Variants in ELAVL4 observed in about 807,000 individuals in gnomAD.
ELAVL4 encodes the protein ELAV-like protein 4.
ELAVL4 carries 1 observed loss-of-function variant against 35.6 expected under a neutral mutation model. The ratio of observed to expected loss-of-function variants is 0.03; its 90% confidence interval spans 0.01 to 0.13. The LOEUF (loss-of-function observed/expected upper bound fraction) is 0.13. Among genes scored for constraint, ELAVL4 ranks in the 10% least tolerant of loss-of-function variants. The probability of loss-of-function intolerance (pLI) is 1.00; values close to 1 mark genes in which losing one functional copy is unlikely to be tolerated. For synonymous variants in ELAVL4, 156 were observed against 171.0 expected, an observed-to-expected ratio of 0.91 and a Z score of 0.69; for missense variants, 267 against 464.9, an observed-to-expected ratio of 0.57 and a Z score of 3.91.
chr1:50,102,431 TC>T (rs1382090937), upstream of ELAVL4, among the ~76,000 whole-genome samples: 2 of 151,702 alleles, frequency 1.3e-5, no homozygotes, highest in African/African-American at 4.8e-5. Flanking sequence ...TCCCCTCCCC[TC>T]CTCTCCCTTT....
upstream of ELAVL4, among the ~76,000 whole-genome samples, chr1:50,107,403 T>C (rs1045041367): frequency 1.3e-5 from 2 of 152,354 alleles, no homozygotes; most frequent in East Asian, 1.9e-4. Flanking sequence ...ACCCAACACA[T>C]ATTGTTTTAT....
intron 2 of ELAVL4, among the ~76,000 whole-genome samples, chr1:50,157,284 TACTGACTTTTCGC>T (rs1206818121): frequency 6.6e-6 from 1 of 152,184 alleles, no homozygotes; most frequent in African/African-American, 2.4e-5. Flanking sequence ...ATGGAGATAA[TACTGACTTTTCGC>T]ACCTTTCTGT....
intron 2 of ELAVL4, among the ~76,000 whole-genome samples, chr1:50,153,334 A>T (rs1675130950): frequency 6.6e-6 from 1 of 152,240 alleles, no homozygotes; most frequent in Non-Finnish European, 1.5e-5. Context: ...TGCTAGGCAT[A>T]TTATAGATGT....
chr1:50,190,555 TG>T (rs1487066448), intron 3 of ELAVL4, among the ~76,000 whole-genome samples: 7 of 152,198 alleles, frequency 4.6e-5, no homozygotes, highest in African/African-American at 1.7e-4. Flanking sequence ...GAATTAGACT[TG>T]GTAGAGAATG....
chr1:50,067,984 C>T lies in ELAVL4; in HGVS notation c.18+19802C>T, dbSNP rs183128622. ...GCCGCCATGATTCAGTTACCTCCCA[C>T]CGGGTCTCTCCCACAACACGTGGGG... On this transcript the variant is annotated intron_variant, in intron 1 of 6. Coordinates refer to the ELAVL4 transcript ENST00000448907. Among the ~76,000 whole-genome samples, 37 of 152,252 alleles carry T rather than the reference C, an allele frequency of 2.4e-4. 1 individual carries two copies. Among genetic ancestry groups the T allele is most frequent in the African/African-American group, 7.7e-4 (32 of 41,560 alleles).
intron 1 of ELAVL4, among the ~76,000 whole-genome samples, chr1:50,112,838 A>C (rs1410222701): frequency 1.3e-5 from 2 of 152,078 alleles, no homozygotes; most frequent in Non-Finnish European, 2.9e-5. Flanking sequence ...ACAAAACCTT[A>C]AAACTTTTTC....
At chr1:50,175,805 C>G (rs1679929024) in intron 2 of ELAVL4, 1 of 152,164 alleles carries the variant, frequency 6.6e-6, no homozygotes, top group African/African-American at 2.4e-5. Flanking sequence ...GATTTTTTGG[C>G]CGCTGAAATG....
intron 5 of ELAVL4, among the ~76,000 whole-genome samples, chr1:50,196,793 C>T (rs1370305993): frequency 1.3e-5 from 2 of 152,170 alleles, no homozygotes; most frequent in South Asian, 2.1e-4. Context: ...TGGAAACTAT[C>T]GTTACTACTG....
chr1:50,192,903 G>A (rs2148877709), intron 3 of ELAVL4, among the ~76,000 whole-genome samples: 1 of 152,266 alleles, frequency 6.6e-6, no homozygotes, highest in South Asian at 2.1e-4. Context: ...CTTGCAGATG[G>A]AATTTCAGAT....
chr1:50,061,630 T>C (rs977449708), intron 1 of ELAVL4, among the ~76,000 whole-genome samples: 1 of 152,178 alleles, frequency 6.6e-6, no homozygotes, highest in African/African-American at 2.4e-5. Flanking sequence ...CTTATGTTTG[T>C]TTGCAAGGAG....
In ELAVL4 at chr1:50,161,868, A is replaced by G. The variant is rs577223655; in HGVS notation, c.251-15221A>G. On this transcript the variant is annotated intron_variant, in intron 2 of 6. Transcript: ENST00000371824. ...GCCTCCCAAAGTGCTGGGATTATAC[A>G]TGTGAGCCACTGCACGCAGCAGTTG... is the stretch of plus-strand genomic sequence containing the variant. Among the ~76,000 whole-genome samples, 86 of 152,230 alleles carry G rather than the reference A, an allele frequency of 5.6e-4. 1 individual carries two copies. The highest frequency in any genetic ancestry group is 1.9e-3 in the African/African-American group (79 of 41,530).
chr1:50,048,145 C>G (rs1218496778), exon 1 of ELAVL4: 2 of 1,519,696 alleles, frequency 1.3e-6, no homozygotes, highest in African/African-American at 2.8e-5. Flanking sequence ...AGCCTCGGGC[C>G]GGATCGCCCG....
intron 1 of ELAVL4, among the ~76,000 whole-genome samples, chr1:50,082,486 T>C (rs1394219510): frequency 6.6e-6 from 1 of 152,246 alleles, no homozygotes; most frequent in Non-Finnish European, 1.5e-5. Flanking sequence ...TTGAGAAGTG[T>C]CTGTTCATAT....
At chr1:50,097,003 C>G (rs1665744114) in intron 1 of ELAVL4, among the ~76,000 whole-genome samples, 1 of 152,068 alleles carries the variant, frequency 6.6e-6, no homozygotes, top group Admixed American at 6.6e-5. Context: ...ATCGCTTGAG[C>G]CCAGGAGTTT....
At chr1:50,171,351 G>A (rs1678976592) in intron 2 of ELAVL4, among the ~76,000 whole-genome samples, 4 of 152,188 alleles carry the variant, frequency 2.6e-5, no homozygotes, top group Admixed American at 2.0e-4. Flanking sequence ...GAGAAAGTGT[G>A]AACTGAGATA....
rs149432495 is a variant in ELAVL4, at chr1:50,087,262, A to G, written c.18+39080A>G. Among the ~76,000 whole-genome samples, 49 of 152,282 alleles carry G rather than the reference A, an allele frequency of 3.2e-4. 1 individual carries two copies. In the East Asian group the frequency reaches 8.9e-3, roughly 28 times the overall value. ...TTTATTTTCTTTTTTAAACCAATAT[A>G]ATGAGGAAGCAGAGAGGTACAGAAA... On this transcript the variant is annotated intron_variant, in intron 1 of 6. Coordinates refer to the ELAVL4 transcript ENST00000448907.
At chr1:50,192,576 C>G (rs1682841159) in intron 3 of ELAVL4, among the ~76,000 whole-genome samples, 2 of 151,516 alleles carry the variant, frequency 1.3e-5, no homozygotes, top group Non-Finnish European at 2.9e-5. Context: ...CTCACCCCTA[C>G]AGTCTTAATA....
At chr1:50,057,183 A>C (rs902034391) in intron 1 of ELAVL4, among the ~76,000 whole-genome samples, 2 of 151,226 alleles carry the variant, frequency 1.3e-5, no homozygotes, top group Admixed American at 1.3e-4. Context: ...TTAACTGCAA[A>C]GGTTTTAAAA....
At chr1:50,064,161 C>T (rs1488383487) in intron 1 of ELAVL4, among the ~76,000 whole-genome samples, 1 of 152,078 alleles carries the variant, frequency 6.6e-6, no homozygotes, top group African/African-American at 2.4e-5. Context: ...AGTGCAAGGG[C>T]ATAGGTGGCA....
Sources: allele counts gnomAD v4.1 joint callset (sites outside exome capture counted in the v4.1 genomes callset), GRCh38; gene constraint gnomAD v4.1.1; transcripts MANE v1.5; gene names NCBI Gene and HGNC (gene_info 2026-07-23, HGNC 2026-07-21).